Variants in FOXP2 observed in about 807,000 individuals in gnomAD.
FOXP2 encodes forkhead box protein P2.
Under a neutral mutation model 115.8 loss-of-function variants are expected in FOXP2, and 12 were observed. That is an observed-to-expected ratio of 0.10 (90% CI 0.07 to 0.17). FOXP2 has a LOEUF of 0.17. FOXP2 is among the 10% of genes least tolerant of loss of function. The probability of loss-of-function intolerance (pLI) is 1.00; values close to 1 mark genes in which losing one functional copy is unlikely to be tolerated. For missense variants in FOXP2, 629 were observed against 843.5 expected (o/e 0.75, Z 3.15); for synonymous variants, 328 against 297.7 (o/e 1.10, Z -1.05).
intron 1 of FOXP2, among the ~76,000 whole-genome samples, chr7:114,255,153 G>A (rs1195610713): frequency 1.3e-5 from 2 of 152,142 alleles, no homozygotes; most frequent in African/African-American, 2.4e-5. Context: ...TCCTCTAGAA[G>A]CCTGGTCTCA....
chr7:114,363,594 G>C (rs1045359345), intron 2 of FOXP2, among the ~76,000 whole-genome samples: 3 of 152,030 alleles, frequency 2.0e-5, no homozygotes, highest in Admixed American at 6.6e-5. Context: ...GAACCAAGAG[G>C]GGGTGGCAGC....
intron 1 of FOXP2, among the ~76,000 whole-genome samples, chr7:114,154,457 T>C (rs1792609055): frequency 6.6e-6 from 1 of 152,066 alleles, no homozygotes; most frequent in Non-Finnish European, 1.5e-5. Flanking sequence ...GTACATCTCC[T>C]TTAAGTATGA....
chr7:114,187,506 C>T (rs2129156554), intron 1 of FOXP2, among the ~76,000 whole-genome samples: 1 of 152,294 alleles, frequency 6.6e-6, no homozygotes, highest in Non-Finnish European at 1.5e-5. Context: ...GCATTCTGGT[C>T]ACAACCACTT....
At chr7:114,146,716 T>C (rs1426565078) in intron 1 of FOXP2, among the ~76,000 whole-genome samples, 1 of 152,188 alleles carries the variant, frequency 6.6e-6, no homozygotes, top group Non-Finnish European at 1.5e-5. Context: ...TGTCATGGCA[T>C]AGGAGGAAAA....
At chr7:114,350,371 CACTT>C (rs1327069415) in intron 2 of FOXP2, among the ~76,000 whole-genome samples, 1 of 152,170 alleles carries the variant, frequency 6.6e-6, no homozygotes, top group African/African-American at 2.4e-5. Flanking sequence ...GTTCATCTCT[CACTT>C]ACGAGTGAGA....
At chr7:114,289,040 A>G (rs1447517220) in intron 2 of FOXP2, among the ~76,000 whole-genome samples, 6 of 151,944 alleles carry the variant, frequency 3.9e-5, no homozygotes, top group African/African-American at 1.4e-4. Context: ...AACTCTCTCA[A>G]GATACACTTC....
In FOXP2 at chr7:114,348,681, G is replaced by C. The variant is rs11977165; in HGVS notation, c.-11+60572G>C. ...GCCCAGCTTTCTTATCTGTAAAACT[G>C]TAAGATTAAAAGAGGCCAGACTGAA... is the stretch of plus-strand genomic sequence containing the variant. On this transcript the variant is annotated intron_variant, in intron 2 of 17. Transcript: ENST00000634411. 2.5e-3 allele frequency among the ~76,000 whole-genome samples: 377 copies of C among 152,174 alleles called. 2 individuals carry two copies. The highest frequency in any genetic ancestry group is 8.5e-3 in the African/African-American group (352 of 41,536).
At chr7:114,103,605 A>G (rs1290515481) in intron 1 of FOXP2, among the ~76,000 whole-genome samples, 5 of 151,950 alleles carry the variant, frequency 3.3e-5, no homozygotes, top group Non-Finnish European at 7.4e-5. Context: ...TTTATGTGTT[A>G]TGTTCTTTCT....
rs200182962 is a variant in FOXP2, at chr7:114,330,500, G to A, written c.-11+42391G>A. Among the ~76,000 whole-genome samples the A allele has an allele frequency of 7.4e-3, 1,089 of 146,932 alleles. 7 individuals carry two copies. The highest frequency in any genetic ancestry group is 0.011 in the Non-Finnish European group (719 of 66,776). On this transcript the variant is annotated intron_variant, in intron 2 of 17. Coordinates refer to the FOXP2 transcript ENST00000634411. ...AAAAAGTTTATATATATATATATGT[G>A]TATATATATATATGTACACACACAC...
intron 2 of FOXP2, among the ~76,000 whole-genome samples, chr7:114,356,959 CAA>C (rs1791631582): frequency 6.6e-6 from 1 of 152,180 alleles, no homozygotes; most frequent in African/African-American, 2.4e-5. Context: ...ATTTTGGTGA[CAA>C]AGAGCGTATT....
chr7:114,666,712 A>G (rs1807179146), intron 16 of FOXP2: 1 of 152,174 alleles, frequency 6.6e-6, no homozygotes, highest in African/African-American at 2.4e-5. Context: ...GCCTAGTGGT[A>G]TCAGAACATA....
intron 1 of FOXP2, among the ~76,000 whole-genome samples, chr7:114,174,092 A>T (rs1010856258): frequency 6.6e-6 from 1 of 152,016 alleles, no homozygotes; most frequent in Non-Finnish European, 1.5e-5. Context: ...TGATGGTAGT[A>T]GTCTCTCTTT....
upstream of FOXP2, among the ~76,000 whole-genome samples, chr7:114,159,407 AAT>A (rs1792766417): frequency 6.6e-6 from 1 of 152,104 alleles, no homozygotes; most frequent in Non-Finnish European, 1.5e-5. Flanking sequence ...CGTCTATATA[AAT>A]TTATTAATGT....
At chr7:114,489,606 G>A (rs906768642) in intron 2 of FOXP2, among the ~76,000 whole-genome samples, 16 of 151,812 alleles carry the variant, frequency 1.1e-4, no homozygotes, top group Non-Finnish European at 1.8e-4. Flanking sequence ...GGGAGTGAGA[G>A]TAGCAGAAAC....
intron 2 of FOXP2, among the ~76,000 whole-genome samples, chr7:114,323,607 G>A (rs1797482156): frequency 6.6e-6 from 1 of 151,846 alleles, no homozygotes. Context: ...TTTCCAATTT[G>A]TCATTTGATT....
chr7:114,574,398 C>T (rs1208052433), intron 3 of FOXP2, among the ~76,000 whole-genome samples: 3 of 151,586 alleles, frequency 2.0e-5, no homozygotes, highest in African/African-American at 7.3e-5. Flanking sequence ...TCAGTTTTTT[C>T]AAATAGTGTC....
intron 2 of FOXP2, among the ~76,000 whole-genome samples, chr7:114,521,532 CA>C (rs34666914): frequency 0.017 from 1,379 of 82,026 alleles, 15 homozygotes; most frequent in African/African-American, 0.057. Flanking sequence ...GACACTGTCT[CA>C]AAAAAAAAAA....
At chr7:114,463,109 A>G (rs1021757287) in intron 2 of FOXP2, 2 of 420,812 alleles carry the variant, frequency 4.8e-6, no homozygotes, top group Middle Eastern at 3.7e-4. Context: ...ACTCACTGCA[A>G]CCTGGAACTC....
chr7:114,579,283 GATTGATCAGATAAAGAT>G lies in FOXP2; in HGVS notation c.258+44579_258+44595del, dbSNP rs1364682492. The stretch of plus-strand genomic sequence containing the variant: ...GTATAAAGCCCAGGTTAGATGCTTG[GATTGATCAGATAAAGAT>G]ACTAAGTTCATAACATAAAATTTTT... On this transcript the variant is annotated intron_variant, in intron 3 of 16. Coordinates refer to ENST00000350908, the MANE Select transcript of FOXP2 (RefSeq NM_014491.4). 3.3e-5 allele frequency among the ~76,000 whole-genome samples: 5 copies of G among 152,178 alleles called. No homozygotes were observed. The South Asian group carries it at 1.0e-3, about 32-fold the overall frequency.
Sources: allele counts gnomAD v4.1 joint callset (sites outside exome capture counted in the v4.1 genomes callset), GRCh38; gene constraint gnomAD v4.1.1; transcripts MANE v1.5; gene names NCBI Gene and HGNC (gene_info 2026-07-23, HGNC 2026-07-21).